Variants in RAB31 observed in about 807,000 individuals in gnomAD.
RAB31 encodes the protein RAB31, member RAS oncogene family, also known as ras-related protein Rab-31.
Under a neutral mutation model 25.6 loss-of-function variants are expected in RAB31, and 21 were observed. That is an observed-to-expected ratio of 0.82 (90% CI 0.58 to 1.18). The LOEUF is 1.18. Ranked by LOEUF, RAB31 falls within the 50% of genes most tolerant of loss-of-function variation. The pLI is 0.00. For synonymous variants in RAB31, 87 were observed against 84.0 expected (o/e 1.04, Z -0.20); for missense variants, 196 against 250.1 (o/e 0.78, Z 1.46).
At chr18:9,730,522 C>T (rs2145464719) in intron 1 of RAB31, among the ~76,000 whole-genome samples, 1 of 152,270 alleles carries the variant, frequency 6.6e-6, no homozygotes, top group Non-Finnish European at 1.5e-5. Context: ...ACCCCGACCT[C>T]ATGTGTTCCC....
chr18:9,781,473 CG>C (rs964930476), intron 2 of RAB31, among the ~76,000 whole-genome samples: 23 of 152,286 alleles, frequency 1.5e-4, no homozygotes, highest in African/African-American at 5.5e-4. Context: ...CTCGCCTCCA[CG>C]CCTGGCTGAT....
intron 3 of RAB31, among the ~76,000 whole-genome samples, chr18:9,801,740 A>G (rs1460379323): frequency 1.3e-5 from 2 of 152,180 alleles, no homozygotes; most frequent in African/African-American, 4.8e-5. Flanking sequence ...ATACTCACCA[A>G]CACTTGTCTT....
In RAB31 at chr18:9,710,800, G is replaced by C. The variant is rs180777383; in HGVS notation, c.39+2356G>C. On this transcript the variant is annotated intron_variant, in intron 1 of 6. Coordinates refer to ENST00000578921, the MANE Select transcript of RAB31 (RefSeq NM_006868.4). The stretch of plus-strand genomic sequence containing the variant: ...TTGAGCCTGGGAGGTGGAGGTTGCA[G>C]TGAGCCGAAATCACGCCACTGCACT... 2.3e-4 allele frequency among the ~76,000 whole-genome samples: 35 copies of C among 152,326 alleles called. 1 individual carries two copies. The East Asian group carries it at 6.6e-3, about 29-fold the overall frequency.
chr18:9,846,924 G>C (rs2068764876), intron 6 of RAB31, among the ~76,000 whole-genome samples: 1 of 152,138 alleles, frequency 6.6e-6, no homozygotes, highest in Admixed American at 6.5e-5. Flanking sequence ...TCCTTCACTG[G>C]GGTCTTCACT....
chr18:9,854,864 C>G (rs2143152466), intron 6 of RAB31, among the ~76,000 whole-genome samples: 1 of 152,246 alleles, frequency 6.6e-6, no homozygotes, highest in Non-Finnish European at 1.5e-5. Flanking sequence ...CAAACTTGGT[C>G]AAGTTACTCA....
chr18:9,803,830 C>T (rs112168302), intron 3 of RAB31, among the ~76,000 whole-genome samples: 2 of 152,232 alleles, frequency 1.3e-5, no homozygotes, highest in Admixed American at 6.5e-5. Context: ...GGGACTGCCT[C>T]GGTCCACAGA....
At chr18:9,759,291 C>G (rs559936852) in intron 1 of RAB31, among the ~76,000 whole-genome samples, 2 of 152,118 alleles carry the variant, frequency 1.3e-5, no homozygotes, top group African/African-American at 4.8e-5. Context: ...CTGTCTCAGC[C>G]TCCCATGTAC....
chr18:9,859,421 T>A lies in RAB31; in HGVS notation c.*96T>A. 2 of 1,026,386 alleles carry A rather than the reference T, an allele frequency of 1.9e-6. No homozygotes were observed. The highest frequency in any genetic ancestry group is 1.5e-6 in the Non-Finnish European group (1 of 687,978). 63.6% of individuals were successfully genotyped at this position (1,026,386 alleles called of 1,614,324 possible). ...CGCTCGGTGGCCTGGCACCTCACTT[T>A]GAGAAGAGTGAGCACACTGGCTTTG... On this transcript the variant is annotated 3_prime_UTR_variant, in exon 7 of 7. Coordinates refer to ENST00000578921, the MANE Select transcript of RAB31 (RefSeq NM_006868.4).
At chr18:9,760,162 CTTTTTG>C (rs921641142) in intron 1 of RAB31, among the ~76,000 whole-genome samples, 6 of 58,512 alleles carry the variant, frequency 1.0e-4, no homozygotes, top group African/African-American at 2.6e-4. Context: ...TCTTTCTTTT[CTTTTTG>C]TTTTTGTTTT....
At chr18:9,775,501 A>G in intron 2 of RAB31, 144 bp downstream of exon 2, 1 of 1,445,800 alleles carries the variant, frequency 6.9e-7, no homozygotes, top group Non-Finnish European at 9.2e-7. Context: ...GACCGACAGA[A>G]ATTCAGGGAC....
At chr18:9,812,704 T>A (rs2068579732) in intron 3 of RAB31, among the ~76,000 whole-genome samples, 1 of 145,118 alleles carries the variant, frequency 6.9e-6, no homozygotes, top group Non-Finnish European at 1.5e-5. Flanking sequence ...TTTTTTTTTT[T>A]TTTTTTTTTT....
chr18:9,798,548 T>C (rs2068497585), intron 3 of RAB31, among the ~76,000 whole-genome samples: 1 of 152,222 alleles, frequency 6.6e-6, no homozygotes, highest in East Asian at 1.9e-4. Context: ...TTCATAATTT[T>C]AAACAAACAA....
At chr18:9,798,986 A>C (rs1299999064) in intron 3 of RAB31, among the ~76,000 whole-genome samples, 2 of 152,164 alleles carry the variant, frequency 1.3e-5, no homozygotes, top group African/African-American at 4.8e-5. Context: ...TGGGAGGCTG[A>C]AGTGAGAGAA....
At chr18:9,720,975 G>T (rs572038481) in intron 1 of RAB31, among the ~76,000 whole-genome samples, 1 of 152,238 alleles carries the variant, frequency 6.6e-6, no homozygotes, top group Non-Finnish European at 1.5e-5. Flanking sequence ...ACCTGTGCAG[G>T]TCGTTCTCTG....
intron 3 of RAB31, among the ~76,000 whole-genome samples, chr18:9,812,346 T>C (rs2068576951): frequency 6.6e-6 from 1 of 152,214 alleles, no homozygotes; most frequent in South Asian, 2.1e-4. Context: ...TATATATTCC[T>C]CTAAGTGGAA....
intron 1 of RAB31, among the ~76,000 whole-genome samples, chr18:9,754,496 T>C (rs1423459503): frequency 6.6e-6 from 1 of 152,142 alleles, no homozygotes; most frequent in African/African-American, 2.4e-5. Flanking sequence ...GTCAGGCTGC[T>C]CTCGAACTTC....
intron 5 of RAB31, among the ~76,000 whole-genome samples, chr18:9,833,677 G>A (rs1476140682): frequency 1.3e-5 from 2 of 152,148 alleles, no homozygotes; most frequent in East Asian, 1.9e-4. Flanking sequence ...CCATAAGTAC[G>A]CAGGATAAGT....
chr18:9,860,886 C>T lies in RAB31; in HGVS notation c.*1561C>T, dbSNP rs1455179133. The T allele has an allele frequency of 6.6e-6, 1 of 152,194 alleles. No homozygotes were observed. Among genetic ancestry groups the T allele is most frequent in the African/African-American group, 2.4e-5 (1 of 41,440 alleles). The allele number at this position is 152,194 out of a possible 1,614,324, so 9.4% of individuals were successfully genotyped here. A position where few individuals can be genotyped will look rare whatever the true frequency, so the allele number is the denominator to read the frequency against. Reference sequence around the variant, plus strand: ...CACTCAACTTAAGAGAGTTCATTGACAGTGTTAGGATGTGAAGGCTGGGAA... The same window carrying T: ...CACTCAACTTAAGAGAGTTCATTGATAGTGTTAGGATGTGAAGGCTGGGAA... On this transcript the variant is annotated 3_prime_UTR_variant, in exon 7 of 7. Coordinates refer to ENST00000578921, the MANE Select transcript of RAB31 (RefSeq NM_006868.4).
chr18:9,748,888 C>G (rs148715778), intron 1 of RAB31, among the ~76,000 whole-genome samples: 9,362 of 139,932 alleles, frequency 0.067, 530 homozygotes, highest in East Asian at 0.27. Flanking sequence ...GAGACTCTGT[C>G]TCAAAAAAAA....
Sources: gnomAD v4.1 joint callset for allele counts (sites outside exome capture counted in the v4.1 genomes callset) on GRCh38, gnomAD v4.1.1 for gene constraint, MANE v1.5 for transcripts, NCBI Gene and HGNC (gene_info 2026-07-23, HGNC 2026-07-21) for gene names.